Variants in NAA15 observed in about 807,000 individuals in gnomAD.
The protein encoded by NAA15 is N-terminal acetyltransferase.
Under a neutral mutation model 114.0 loss-of-function variants are expected in NAA15, and 34 were observed. That is an observed-to-expected ratio of 0.30 (90% CI 0.23 to 0.40). The LOEUF (loss-of-function observed/expected upper bound fraction) is 0.40. NAA15 is among the 10% of genes least tolerant of loss of function. The pLI, the probability that NAA15 is intolerant of heterozygous loss-of-function variation, is 1.00. For missense variants in NAA15, 658 were observed against 1,004.5 expected (o/e 0.66, Z 4.66); for synonymous variants, 340 against 338.0 (o/e 1.01, Z -0.06).
chr4:139,341,610 A>AAAAAAG (rs1747395440), intron 4 of NAA15, among the ~76,000 whole-genome samples: 1 of 149,206 alleles, frequency 6.7e-6, no homozygotes, highest in African/African-American at 2.5e-5. Context: ...AAAAAAAAAA[A>AAAAAAG]AAAAAAAAAG....
At chr4:139,304,166 C>T (rs184902759) in intron 1 of NAA15, among the ~76,000 whole-genome samples, 3 of 152,360 alleles carry the variant, frequency 2.0e-5, no homozygotes, top group Non-Finnish European at 4.4e-5. Context: ...GATCCGCCCG[C>T]CTCGGCCTTC....
At chr4:139,320,726 G>A (rs1746570148) in intron 1 of NAA15, among the ~76,000 whole-genome samples, 1 of 152,066 alleles carries the variant, frequency 6.6e-6, no homozygotes, top group South Asian at 2.1e-4. Flanking sequence ...TCATCATGTT[G>A]GGCAGGCTGG....
intron 1 of NAA15, among the ~76,000 whole-genome samples, chr4:139,305,112 GTA>G (rs980872936): frequency 1.3e-4 from 20 of 152,200 alleles, no homozygotes; most frequent in African/African-American, 4.8e-4. Context: ...TTGCCAAGTA[GTA>G]TTCCATGATA....
Position 139,387,842 on chromosome 4 carries a change from T to G in NAA15, c.2401-42T>G, listed in dbSNP as rs769390965. The G allele has an allele frequency of 1.2e-5, 18 of 1,505,588 alleles. No individual in the cohort carries two copies. In the East Asian group the frequency reaches 3.6e-4, roughly 30 times the overall value. The allele number at this position is 1,505,588 out of a possible 1,614,324, so 93.3% of individuals were successfully genotyped here. On this transcript the variant is annotated intron_variant, in intron 19 of 19. Transcript: ENST00000296543. ...GTCTAATAAATTCCCAGTAAGAACCTTTTTTTGACCAGTTACAACATGACT... is the reference window on the plus strand; with the variant it reads ...GTCTAATAAATTCCCAGTAAGAACCGTTTTTTGACCAGTTACAACATGACT...
intron 10 of NAA15, among the ~76,000 whole-genome samples, chr4:139,355,734 G>A (rs1747929319): frequency 6.6e-6 from 1 of 152,170 alleles, no homozygotes; most frequent in Non-Finnish European, 1.5e-5. Context: ...GAGATTTGAT[G>A]AGATTCAATA....
intron 14 of NAA15, among the ~76,000 whole-genome samples, chr4:139,369,595 G>T (rs573199849): frequency 6.6e-6 from 1 of 152,002 alleles, no homozygotes; most frequent in African/African-American, 2.4e-5. Context: ...AAAATCAGCC[G>T]GACGTGGTGG....
chr4:139,328,118 AT>A (rs35354123), intron 1 of NAA15, among the ~76,000 whole-genome samples: 12 of 149,332 alleles, frequency 8.0e-5, no homozygotes, highest in Admixed American at 5.3e-4. Flanking sequence ...TAGCCCACTG[AT>A]TTTTTTTTTC....
At chr4:139,304,481 G>A (rs776429217) in intron 1 of NAA15, among the ~76,000 whole-genome samples, 1 of 152,148 alleles carries the variant, frequency 6.6e-6, no homozygotes, top group Non-Finnish European at 1.5e-5. Context: ...TCAGGATCCC[G>A]CGAGATTCCA....
At chr4:139,371,634 T>G (rs1403108973) in intron 15 of NAA15, among the ~76,000 whole-genome samples, 1 of 151,908 alleles carries the variant, frequency 6.6e-6, no homozygotes, top group African/African-American at 2.4e-5. Context: ...ACACAATACC[T>G]TTTTATTGTT....
At chr4:139,354,921 G>T (rs1247747835) in intron 10 of NAA15, among the ~76,000 whole-genome samples, 1 of 152,104 alleles carries the variant, frequency 6.6e-6, no homozygotes, top group Admixed American at 6.6e-5. Context: ...CTGTCATCCA[G>T]GCTGGTGTAC....
chr4:139,315,059 A>AT, intron 1 of NAA15, among the ~76,000 whole-genome samples: 3 of 126,600 alleles, frequency 2.4e-5, no homozygotes, highest in African/African-American at 1.0e-4. Context: ...AGGTTAGTTT[A>AT]GTTTAGTTTA....
At chr4:139,346,554 A>ATTT (rs35062126) in intron 6 of NAA15, among the ~76,000 whole-genome samples, 105 of 148,238 alleles carry the variant, frequency 7.1e-4, no homozygotes, top group African/African-American at 2.4e-3. Context: ...CAAAAAAAAA[A>ATTT]TTTTTTTTTT....
chr4:139,380,944 G>T (rs548784484), intron 17 of NAA15, among the ~76,000 whole-genome samples: 1 of 152,252 alleles, frequency 6.6e-6, no homozygotes, highest in South Asian at 2.1e-4. Context: ...TAATTTCTCA[G>T]GAATACATTT....
At chr4:139,369,895 C>T (rs1201722316) in intron 14 of NAA15, among the ~76,000 whole-genome samples, 1 of 151,996 alleles carries the variant, frequency 6.6e-6, no homozygotes, top group Non-Finnish European at 1.5e-5. Context: ...ACCTCTGCCT[C>T]CTGGGTTCAA....
intron 14 of NAA15, among the ~76,000 whole-genome samples, chr4:139,369,212 C>T (rs191199591): frequency 4.5e-4 from 69 of 152,204 alleles, no homozygotes; most frequent in African/African-American, 1.5e-3. Context: ...GCAGCACAGA[C>T]AGAATGAATA....
At chr4:139,367,473 T>C (rs374698438) in intron 14 of NAA15, among the ~76,000 whole-genome samples, 1 of 152,214 alleles carries the variant, frequency 6.6e-6, no homozygotes, top group East Asian at 1.9e-4. Flanking sequence ...AGATTTACTA[T>C]TTCTGCCCAT....
chr4:139,320,435 A>G (rs542170922), intron 1 of NAA15, among the ~76,000 whole-genome samples: 326 of 152,312 alleles, frequency 2.1e-3, no homozygotes, highest in Non-Finnish European at 3.5e-3. Flanking sequence ...GGGCAAACCT[A>G]GGGATTCATA....
At chr4:139,387,840 C>T (rs1360231719) in intron 19 of NAA15, 44 bp from the exon 20 acceptor site, 8 of 1,490,792 alleles carry the variant, frequency 5.4e-6, no homozygotes, top group African/African-American at 1.4e-5. Context: ...CCAGTAAGAA[C>T]CTTTTTTTGA....
At chr4:139,380,728 T>C (rs1748726550) in intron 17 of NAA15, among the ~76,000 whole-genome samples, 1 of 152,168 alleles carries the variant, frequency 6.6e-6, no homozygotes, top group Non-Finnish European at 1.5e-5. Context: ...TGAAATTAGG[T>C]TGTGATTATT....
Sources: allele counts gnomAD v4.1 joint callset (sites outside exome capture counted in the v4.1 genomes callset), GRCh38; gene constraint gnomAD v4.1.1; transcripts MANE v1.5; gene names NCBI Gene and HGNC (gene_info 2026-07-23, HGNC 2026-07-21).